Variants in PDE4C observed in about 807,000 individuals in gnomAD.
PDE4C encodes the protein phosphodiesterase 4C.
A neutral mutation model predicts 63.9 loss-of-function variants in PDE4C; 50 were observed. That is an observed-to-expected ratio of 0.78 (90% CI 0.62 to 0.99). The LOEUF (loss-of-function observed/expected upper bound fraction) is 0.99. PDE4C is among the 50% of genes least tolerant of loss of function. PDE4C has a pLI of 0.00. For missense variants in PDE4C, 777 were observed against 899.1 expected, an observed-to-expected ratio of 0.86 and a Z score of 1.74; for synonymous variants, 377 against 385.1, an observed-to-expected ratio of 0.98 and a Z score of 0.25.
At chr19:18,254,658 G>A in the PDE4C span, among the ~76,000 whole-genome samples, 9 of 152,320 alleles carry the variant, frequency 5.9e-5, no homozygotes, top group African/African-American at 2.2e-4. Context: ...TGCTATTACA[G>A]GTCTGTGGGG....
upstream of PDE4C, chr19:18,248,219 G>A (rs1391844309): frequency 6.6e-6 from 3 of 456,156 alleles, no homozygotes; most frequent in African/African-American, 4.0e-5. Flanking sequence ...GGCTAGTGAG[G>A]GAAGGAGGGG....
rs774975028 is a variant in PDE4C, at chr19:18,226,400, CG to C, written c.15del (p.Ala6ArgfsTer27). 1.1e-5 allele frequency: 16 copies of C among 1,443,656 alleles called. No homozygotes were observed. Among genetic ancestry groups the C allele is most frequent in the Admixed American group, 2.7e-5 (1 of 36,500 alleles). 89.4% of individuals were successfully genotyped at this position (1,443,656 alleles called of 1,614,324 possible). A position where few individuals can be genotyped will look rare whatever the true frequency, so the allele number is the denominator to read the frequency against. On this transcript the variant is annotated frameshift_variant, in exon 1 of 15. Coordinates refer to ENST00000262805, the Ensembl canonical transcript of PDE4C. LOFTEE classifies it high-confidence loss of function. ...CCGGGCCCGGGGACCGGGGCGGGCG[CG>C]GGGGGGCCCTGCATCGCCAGGACTG...
At chr19:18,233,199 A>G (rs1303707563) in exon 1 of PDE4C, 2 of 1,556,948 alleles carry the variant, frequency 1.3e-6, no homozygotes, top group African/African-American at 1.4e-5. Flanking sequence ...CATGCGCCAG[A>G]GAAAGGGGTC....
Position 18,220,616 on chromosome 19 carries a change from A to G in PDE4C, c.500-101T>C, listed in dbSNP as rs1049554100. ...TCATCTGGACCCTGAAACTGTTCCC[A>G]CGGGGGCCACCCAGGACTCCTGGAC... On this transcript the variant is annotated intron_variant, in intron 5 of 14. Coordinates refer to ENST00000262805, the Ensembl canonical transcript of PDE4C. The surrounding 1 kb of genome is among the most constrained non-coding windows in gnomAD (Gnocchi z 5.1). The G allele has an allele frequency of 1.9e-6, 2 of 1,068,812 alleles. No individual in the cohort carries two copies. Among genetic ancestry groups the G allele is most frequent in the Admixed American group, 2.2e-5 (1 of 44,556 alleles). 66.2% of individuals were successfully genotyped at this position (1,068,812 alleles called of 1,614,324 possible).
upstream of PDE4C, among the ~76,000 whole-genome samples, chr19:18,235,417 C>T (rs747735272): frequency 2.6e-5 from 4 of 152,154 alleles, no homozygotes; most frequent in Non-Finnish European, 4.4e-5. Flanking sequence ...GTGATCCACC[C>T]GTCTTGGCCT....
upstream of PDE4C, among the ~76,000 whole-genome samples, chr19:18,235,990 T>C (rs184481127): frequency 9.9e-5 from 15 of 152,162 alleles, no homozygotes; most frequent in East Asian, 2.7e-3. Flanking sequence ...TCGCCCAGGC[T>C]GGAGTGCAGT....
rs1968996787 is a variant in PDE4C, at chr19:18,238,935, G to C, written c.-209-5535C>G. On this transcript the variant is annotated intron_variant, in intron 1 of 15. Transcript: ENST00000594617. ...GAACCCGGGAGGCGGAGGCTGCAGT[G>C]AGTGGAGACCACACCACTGCACTCC... Among the ~76,000 whole-genome samples, 3 of 151,490 alleles carry C rather than the reference G, an allele frequency of 2.0e-5. No individual in the cohort carries two copies. The South Asian group carries it at 6.2e-4, about 31-fold the overall frequency.
At chr19:18,223,513 GTT>G (rs1491505249) in intron 1 of PDE4C, among the ~76,000 whole-genome samples, 4 of 151,654 alleles carry the variant, frequency 2.6e-5, no homozygotes, top group Non-Finnish European at 5.9e-5. Flanking sequence ...CCCGGCCAAA[GTT>G]TTGTATTTTT....
upstream of PDE4C, among the ~76,000 whole-genome samples, chr19:18,249,676 C>T (rs532212122): frequency 6.7e-5 from 10 of 149,882 alleles, no homozygotes; most frequent in East Asian, 2.0e-4. Context: ...CTGGTTCAAG[C>T]GATTCTCTGC....
chr19:18,236,984 C>G (rs972780795), upstream of PDE4C: 7 of 152,824 alleles, frequency 4.6e-5, no homozygotes, highest in African/African-American at 1.7e-4. Context: ...ATGGGGTACC[C>G]GAGAAGCCTC....
At chr19:18,248,489 G>C (rs560703848), upstream of PDE4C, among the ~76,000 whole-genome samples, 1 of 152,074 alleles carries the variant, frequency 6.6e-6, no homozygotes, top group African/African-American at 2.4e-5. Flanking sequence ...GTAGGAGTGA[G>C]GAGGCTGGGT....
intron 1 of PDE4C, among the ~76,000 whole-genome samples, chr19:18,247,296 C>CCT (rs1555698054): frequency 6.7e-6 from 1 of 149,016 alleles, no homozygotes; most frequent in African/African-American, 2.5e-5. Context: ...CTAAGTGTTT[C>CCT]TTTTTTTTTT....
upstream of PDE4C, among the ~76,000 whole-genome samples, chr19:18,235,121 G>A (rs530673030): frequency 1.1e-4 from 16 of 152,302 alleles, no homozygotes; most frequent in South Asian, 2.5e-3. Context: ...GTGCATACCA[G>A]TGCCCCCTCT....
chr19:18,211,392 A>G lies in PDE4C; in HGVS notation c.1696-116T>C, dbSNP rs1297366012. 1.3e-5 allele frequency: 11 copies of G among 834,886 alleles called. No individual in the cohort carries two copies. In the East Asian group the frequency reaches 2.4e-4, roughly 18 times the overall value. The allele number at this position is 834,886 out of a possible 1,614,324, so 51.7% of individuals were successfully genotyped here. A position where few individuals can be genotyped will look rare whatever the true frequency, so the allele number is the denominator to read the frequency against. On this transcript the variant is annotated intron_variant, in intron 14 of 14. Transcript: ENST00000262805. ...CCTCTGCCTGGAATGCCGCTTCCCA[A>G]CAACTGCTCATCCTTCAAAACCCTT...
chr19:18,220,391 G>GC lies in PDE4C; in HGVS notation c.612+11dup. On this transcript the variant is annotated intron_variant, in intron 6 of 14. Coordinates refer to ENST00000262805, the Ensembl canonical transcript of PDE4C. This position sits in a 1 kb window ranked among gnomAD's most constrained non-coding sequence, Gnocchi z 5.1. ...CCGAGGCAGGTGAGCTCAGCGATCT[G>GC]CCCCACCTCACCTTGTTGGAGGCCA... 1 of 1,612,168 alleles carries GC rather than the reference G, an allele frequency of 6.2e-7. No homozygotes were observed. Among genetic ancestry groups the GC allele is most frequent in the Non-Finnish European group, 8.5e-7 (1 of 1,178,246 alleles).
At chr19:18,243,619 C>T (rs770721382) in intron 1 of PDE4C, among the ~76,000 whole-genome samples, 1 of 152,300 alleles carries the variant, frequency 6.6e-6, no homozygotes, top group South Asian at 2.1e-4. Context: ...TATGGGGGAC[C>T]TGGCTCAACT....
chr19:18,233,007 C>T (rs1968882262), exon 1 of PDE4C: 2 of 1,527,734 alleles, frequency 1.3e-6, no homozygotes, highest in African/African-American at 2.8e-5. Flanking sequence ...CGGCCGCGGG[C>T]TCAGGTCCCT....
intron 1 of PDE4C, among the ~76,000 whole-genome samples, chr19:18,247,868 T>C (rs979667395): frequency 6.6e-6 from 1 of 152,132 alleles, no homozygotes; most frequent in African/African-American, 2.4e-5. Context: ...CAAGGTGGCA[T>C]GGACCACACC....
At chr19:18,251,706 G>GCCCCCGCCCCCGC (rs1434244232), upstream of PDE4C, among the ~76,000 whole-genome samples, 1 of 35,486 alleles carries the variant, frequency 2.8e-5, no homozygotes, top group Non-Finnish European at 6.0e-5. Flanking sequence ...CCCGCCCTCG[G>GCCCCCGCCCCCGC]CCTCCCAAAG....
Sources: gnomAD v4.1 joint callset for allele counts (sites outside exome capture counted in the v4.1 genomes callset) on GRCh38, gnomAD v4.1.1 for gene constraint, Gnocchi (gnomAD v3.1) non-coding constraint, MANE v1.5 for transcripts, NCBI Gene and HGNC (gene_info 2026-07-23, HGNC 2026-07-21) for gene names.